MED27: variants seen among roughly 807,000 people sequenced by gnomAD.
MED27 encodes mediator of RNA polymerase II transcription subunit 27.
MED27 carries 30 observed loss-of-function variants against 38.2 expected under a neutral mutation model. That is an observed-to-expected ratio of 0.79 (90% CI 0.59 to 1.07). The LOEUF is 1.07. Among genes scored for constraint, MED27 ranks in the 50% least tolerant of loss-of-function variants. MED27 has a pLI of 0.00. For synonymous variants in MED27, 122 were observed against 153.5 expected (o/e 0.79, Z 1.52); for missense variants, 289 against 397.5 (o/e 0.73, Z 2.32).
In MED27 at chr9:131,911,567, A is replaced by G. The variant is rs114106798; in HGVS notation, c.574-17575T>C. ...TTTGCTTCGTGGCAAGGCAGTAGAT[A>G]TTTCTGTATGAAAAGAACATCTGTT... On this transcript the variant is annotated intron_variant, in intron 4 of 7. Coordinates refer to ENST00000292035, the MANE Select transcript of MED27 (RefSeq NM_004269.4). 2.4e-3 allele frequency among the ~76,000 whole-genome samples: 367 copies of G among 152,348 alleles called. 4 individuals carry two copies. Among genetic ancestry groups the G allele is most frequent in the African/African-American group, 7.8e-3 (324 of 41,580 alleles).
Position 131,889,148 on chromosome 9 carries a change from C to G in MED27, c.681+4737G>C, listed in dbSNP as rs1033271269. Among the ~76,000 whole-genome samples the G allele has an allele frequency of 1.3e-5, 2 of 152,166 alleles. No homozygotes were observed. Among genetic ancestry groups the G allele is most frequent in the African/African-American group, 4.8e-5 (2 of 41,436 alleles). Reference sequence around the variant, plus strand: ...TATTAGAGAAATCAGATTCAGCTCCCCACCCCCTCGACCCACATGCACACA... The same window carrying G: ...TATTAGAGAAATCAGATTCAGCTCCGCACCCCCTCGACCCACATGCACACA... On this transcript the variant is annotated intron_variant, in intron 5 of 7. Transcript: ENST00000292035. This position sits in a 1 kb window ranked among gnomAD's most constrained non-coding sequence, Gnocchi z 4.2.
intron 3 of MED27, among the ~76,000 whole-genome samples, chr9:131,969,793 C>G (rs905217390): frequency 2.0e-5 from 3 of 152,112 alleles, no homozygotes; most frequent in Admixed American, 6.5e-5. Flanking sequence ...TCTGATGGAG[C>G]CAGCATAATT....
intron 4 of MED27, among the ~76,000 whole-genome samples, chr9:131,926,030 G>T (rs369594826): frequency 6.6e-5 from 10 of 152,236 alleles, no homozygotes; most frequent in South Asian, 4.1e-4. Context: ...GCCCAGACTG[G>T]TGTCTCCTGC....
intron 2 of MED27, among the ~76,000 whole-genome samples, chr9:132,050,016 A>G (rs1168479067): frequency 6.6e-6 from 1 of 152,158 alleles, no homozygotes; most frequent in Non-Finnish European, 1.5e-5. Flanking sequence ...TTGGAGAAAT[A>G]TAACATGGGA....
At chr9:131,868,731 C>T (rs948157157) in intron 6 of MED27, 15 of 985,376 alleles carry the variant, frequency 1.5e-5, no homozygotes, top group Non-Finnish European at 1.7e-5. Context: ...CCCCGCTCTC[C>T]CAGTTTGCAG....
intron 3 of MED27, among the ~76,000 whole-genome samples, chr9:131,994,380 A>G (rs375570882): frequency 1.3e-4 from 19 of 151,978 alleles, no homozygotes; most frequent in Admixed American, 2.0e-4. Flanking sequence ...TGCCTCCCCC[A>G]CCCCCAATAC....
At chr9:131,935,680 C>T (rs1287987184) in intron 4 of MED27, among the ~76,000 whole-genome samples, 1 of 152,140 alleles carries the variant, frequency 6.6e-6, no homozygotes, top group Non-Finnish European at 1.5e-5. Context: ...AGAAGGGGTG[C>T]CTCTCAGGGT....
intron 4 of MED27, among the ~76,000 whole-genome samples, chr9:131,932,145 TA>T (rs915012135): frequency 1.1e-4 from 16 of 147,018 alleles, no homozygotes; most frequent in South Asian, 2.2e-4. Flanking sequence ...CTTAACACAT[TA>T]AAAAAAAAAC....
intron 6 of MED27, among the ~76,000 whole-genome samples, chr9:131,876,347 C>T (rs1838932857): frequency 2.0e-5 from 3 of 152,140 alleles, no homozygotes; most frequent in Admixed American, 2.0e-4. Flanking sequence ...CTCAGAAAGT[C>T]AACAGGATGG....
At chr9:131,897,336 A>G (rs918634440) in intron 4 of MED27, among the ~76,000 whole-genome samples, 1 of 152,274 alleles carries the variant, frequency 6.6e-6, no homozygotes, top group African/African-American at 2.4e-5. Context: ...CTTTTGATAT[A>G]ATCTGCCAAA....
At chr9:132,056,228 A>G (rs954795086) in intron 2 of MED27, among the ~76,000 whole-genome samples, 1 of 152,188 alleles carries the variant, frequency 6.6e-6, no homozygotes, top group African/African-American at 2.4e-5. Context: ...ATACCTCATT[A>G]TTAGTTCCAC....
chr9:132,067,357 G>C (rs1165701406), intron 2 of MED27, among the ~76,000 whole-genome samples: 1 of 152,158 alleles, frequency 6.6e-6, no homozygotes, highest in Admixed American at 6.5e-5. Flanking sequence ...GTAAACACAG[G>C]GAGCACCTAA....
At chr9:132,064,659 G>A (rs1396006012) in intron 2 of MED27, among the ~76,000 whole-genome samples, 2 of 152,170 alleles carry the variant, frequency 1.3e-5, no homozygotes, top group South Asian at 2.1e-4. Flanking sequence ...ACGGTATATC[G>A]CTAACAATAC....
At chr9:131,989,797 A>T (rs1029490505) in intron 3 of MED27, among the ~76,000 whole-genome samples, 3 of 151,728 alleles carry the variant, frequency 2.0e-5, no homozygotes, top group Non-Finnish European at 4.4e-5. Context: ...AAAAAAAAGG[A>T]ACAATGCAAA....
intron 6 of MED27, among the ~76,000 whole-genome samples, chr9:131,879,455 G>A (rs192193020): frequency 6.6e-6 from 1 of 152,302 alleles, no homozygotes; most frequent in East Asian, 1.9e-4. Flanking sequence ...GGAGCTCTGC[G>A]GTTCTACCTC....
chr9:132,030,886 CAGAA>C (rs914158735), intron 2 of MED27, among the ~76,000 whole-genome samples: 2 of 152,194 alleles, frequency 1.3e-5, no homozygotes, highest in African/African-American at 2.4e-5. Context: ...GAGACAGCAA[CAGAA>C]AGAGAGGTCA....
At chr9:131,969,482 CT>C (rs138053399) in intron 3 of MED27, among the ~76,000 whole-genome samples, 7,561 of 152,060 alleles carry the variant, frequency 0.05, 604 homozygotes, top group African/African-American at 0.17. Flanking sequence ...AAAGATTTTT[CT>C]TTTACTCATA....
chr9:131,924,117 G>C (rs1019229498), intron 4 of MED27, among the ~76,000 whole-genome samples: 3 of 152,188 alleles, frequency 2.0e-5, no homozygotes, highest in Non-Finnish European at 2.9e-5. Context: ...TATATTGCTG[G>C]AAGTGTGATG....
chr9:132,034,069 G>A lies in MED27; in HGVS notation c.349-19602C>T, dbSNP rs148993124. 5.5e-3 allele frequency among the ~76,000 whole-genome samples: 842 copies of A among 152,214 alleles called. 14 individuals carry two copies. The highest frequency in any genetic ancestry group is 0.019 in the African/African-American group (774 of 41,534). On this transcript the variant is annotated intron_variant, in intron 2 of 7. Coordinates refer to ENST00000292035, the MANE Select transcript of MED27 (RefSeq NM_004269.4). ...AGCAACACAGCACCAATACAGCCCC[G>A]TATGAATAGATGAGGAGTCATGAGT...
Sources: allele counts gnomAD v4.1 joint callset (sites outside exome capture counted in the v4.1 genomes callset), GRCh38; gene constraint gnomAD v4.1.1; non-coding constraint Gnocchi (gnomAD v3.1); transcripts MANE v1.5; gene names NCBI Gene and HGNC (gene_info 2026-07-23, HGNC 2026-07-21).